The following ALOX5 variants were observed in gnomAD, a reference collection of about 807,000 sequenced individuals.
ALOX5 encodes polyunsaturated fatty acid 5-lipoxygenase.
Under a neutral mutation model 87.9 loss-of-function variants are expected in ALOX5, and 64 were observed. The ratio of observed to expected loss-of-function variants is 0.73; its 90% CI spans 0.60 to 0.90. The LOEUF (loss-of-function observed/expected upper bound fraction) is 0.90, where lower values mean the gene tolerates loss of function less well. ALOX5 is among the 40% of genes least tolerant of loss of function. ALOX5 has a pLI of 0.00. For synonymous variants in ALOX5, 388 were observed against 355.1 expected (o/e 1.09, Z -1.04); for missense variants, 822 against 907.5 (o/e 0.91, Z 1.21).
At chr10:45,392,322 A>C (rs1383949099) in intron 2 of ALOX5, among the ~76,000 whole-genome samples, 1 of 151,958 alleles carries the variant, frequency 6.6e-6, no homozygotes, top group Admixed American at 6.5e-5. Flanking sequence ...TCTGTGTAGA[A>C]AGAGGTAGAC....
chr10:45,429,629 G>A (rs180938522), intron 7 of ALOX5, among the ~76,000 whole-genome samples: 1 of 152,186 alleles, frequency 6.6e-6, no homozygotes, highest in African/African-American at 2.4e-5. Context: ...AATAGGTGAG[G>A]TTATTTAGAG....
intron 2 of ALOX5, among the ~76,000 whole-genome samples, chr10:45,394,409 C>A (rs1176783466): frequency 3.9e-5 from 6 of 152,176 alleles, no homozygotes; most frequent in East Asian, 3.9e-4. Flanking sequence ...CATAGGTAGA[C>A]AGCTGAAGCT....
At chr10:45,441,984 C>T (rs1215886990) in intron 9 of ALOX5, among the ~76,000 whole-genome samples, 1 of 152,172 alleles carries the variant, frequency 6.6e-6, no homozygotes, top group Non-Finnish European at 1.5e-5. Flanking sequence ...CCCAACCTTC[C>T]TCCTTTCCCC....
chr10:45,416,776 G>A (rs1264314699), intron 4 of ALOX5, among the ~76,000 whole-genome samples: 1 of 152,086 alleles, frequency 6.6e-6, no homozygotes, highest in Non-Finnish European at 1.5e-5. Flanking sequence ...TGGAGAGATA[G>A]ATGAGAAATT....
At chr10:45,381,468 C>T (rs12774369) in intron 1 of ALOX5, among the ~76,000 whole-genome samples, 25,083 of 152,222 alleles carry the variant, frequency 0.16, 2,137 homozygotes, top group South Asian at 0.19. Flanking sequence ...TGGCAAGTGG[C>T]AGAGGTGGGA....
At chr10:45,427,462 A>G (rs1317879170) in intron 6 of ALOX5, among the ~76,000 whole-genome samples, 1 of 151,994 alleles carries the variant, frequency 6.6e-6, no homozygotes, top group Non-Finnish European at 1.5e-5. Flanking sequence ...CTGGTGTCAC[A>G]CCACATAAAG....
chr10:45,435,900 A>T (rs1223769626), intron 7 of ALOX5, among the ~76,000 whole-genome samples: 2 of 152,250 alleles, frequency 1.3e-5, no homozygotes, highest in Non-Finnish European at 2.9e-5. Flanking sequence ...TGCCACCAAC[A>T]GTGTGTAAGC....
intron 9 of ALOX5, chr10:45,442,735 C>A (rs1674459009): frequency 5.1e-6 from 2 of 392,310 alleles, no homozygotes; most frequent in Non-Finnish European, 9.1e-6. Context: ...CTGGGGTCCC[C>A]CACACACCTG....
chr10:45,415,581 TA>T (rs60397346), intron 4 of ALOX5, among the ~76,000 whole-genome samples: 1 of 135,970 alleles, frequency 7.4e-6, no homozygotes, highest in Non-Finnish European at 1.7e-5. Context: ...AGTATAATAA[TA>T]AAAAAAAAGA....
Position 45,445,734 on chromosome 10 carries a change from T to TG in ALOX5, c.*49dup, listed in dbSNP as rs1842422884. ...GGGAAGGCCAGCTGCCCCAGCCAGATGGACTCCAGCCTGCCTGGCAGGCTG... is the reference window on the plus strand; with the variant it reads ...GGGAAGGCCAGCTGCCCCAGCCAGATGGGACTCCAGCCTGCCTGGCAGGCTG... On this transcript the variant is annotated 3_prime_UTR_variant, in exon 14 of 14. Transcript: ENST00000374391. 1 of 1,581,778 alleles carries TG rather than the reference T, an allele frequency of 6.3e-7. No homozygotes were observed. The highest frequency in any genetic ancestry group is 1.7e-5 in the Admixed American group (1 of 59,142).
rs1239495804 is a variant in ALOX5, at chr10:45,443,808, G to A, written c.1654G>A (p.Ala552Thr). Residue 552 changes from alanine (A) to threonine (T), a missense_variant, in exon 12 of 14, where the codon GCC becomes ACC. Transcript: ENST00000374391. ...VVIFTASAQH[A>T]AVNFGQYDWC... ...GATCTTCACCGCCTCCGCCCAGCAC[G>A]CCGCGGTCAACTTCGGCCAGGTAGG... The A allele has an allele frequency of 3.1e-6, 5 of 1,609,042 alleles. No homozygotes were observed. Among genetic ancestry groups the A allele is most frequent in the Non-Finnish European group, 4.2e-6 (5 of 1,178,178 alleles).
intron 3 of ALOX5, among the ~76,000 whole-genome samples, chr10:45,398,061 A>G (rs557958103): frequency 3.3e-5 from 5 of 151,900 alleles, no homozygotes; most frequent in Admixed American, 1.3e-4. Flanking sequence ...AAAGAAAACA[A>G]AGATGGAGGA....
Position 45,428,761 on chromosome 10 carries a change from C to A in ALOX5, c.978C>A (p.Ile326=), listed in dbSNP as rs1841818691. 1 of 1,613,806 alleles carries A rather than the reference C, an allele frequency of 6.2e-7. No homozygotes were observed. Among genetic ancestry groups the A allele is most frequent in the Middle Eastern group, 1.7e-4 (1 of 5,904 alleles). The change falls in exon 7 of 14, where the codon ATC becomes ATA. Residue 326 remains isoleucine, a synonymous_variant. Transcript: ENST00000374391. ...CCAACAAGATTGTCCCCATTGCCAT[C>A]CAGGTAGGCTGCTGGGGGGCACACC... ...NLANKIVPIA[I]QLNQIPGDEN...
intron 9 of ALOX5, 197 bp downstream of exon 9, chr10:45,441,627 C>G: frequency 1.9e-6 from 1 of 532,104 alleles, no homozygotes; most frequent in Non-Finnish European, 3.3e-6. Context: ...AGGCGCACCA[C>G]CAGGTCTTCC....
At chr10:45,418,823 G>C (rs1841394235) in intron 4 of ALOX5, among the ~76,000 whole-genome samples, 1 of 152,236 alleles carries the variant, frequency 6.6e-6, no homozygotes, top group African/African-American at 2.4e-5. Flanking sequence ...TTGCAGCCTG[G>C]AAGACGATTG....
chr10:45,432,465 TG>T (rs1213913476), intron 7 of ALOX5, among the ~76,000 whole-genome samples: 1 of 152,038 alleles, frequency 6.6e-6, no homozygotes, highest in East Asian at 1.9e-4. Context: ...CAGAGAGAAT[TG>T]GGGGACAGTA....
chr10:45,399,016 T>C (rs1840608430), intron 3 of ALOX5, among the ~76,000 whole-genome samples: 1 of 152,242 alleles, frequency 6.6e-6, no homozygotes, highest in Admixed American at 6.5e-5. Flanking sequence ...TGCATGATTA[T>C]AGCAGCATGA....
At chr10:45,402,673 A>G (rs1840744140) in intron 3 of ALOX5, among the ~76,000 whole-genome samples, 1 of 152,198 alleles carries the variant, frequency 6.6e-6, no homozygotes, top group Non-Finnish European at 1.5e-5. Flanking sequence ...ACACAAAGGA[A>G]AAGATTGGTA....
Position 45,374,431 on chromosome 10 carries a change from T to TGAGCGCGGGCGGGGCACGGGTG in ALOX5, c.150+13_150+34dup. The TGAGCGCGGGCGGGGCACGGGTG allele has an allele frequency of 6.5e-7, 1 of 1,545,810 alleles. No individual in the cohort carries two copies. Among genetic ancestry groups the TGAGCGCGGGCGGGGCACGGGTG allele is most frequent in the Non-Finnish European group, 8.7e-7 (1 of 1,151,070 alleles). On this transcript the variant is annotated splice_region_variant and intron_variant, in intron 1 of 13. Transcript: ENST00000374391. ...TACAACGACTTCGAGCGTGGCGCGGTGAGCGCGGGCGGGGCACGGGTGGAG... is the reference window on the plus strand; with the variant it reads ...TACAACGACTTCGAGCGTGGCGCGGTGAGCGCGGGCGGGGCACGGGTGGAGCGCGGGCGGGGCACGGGTGGAG...
Sources: gnomAD v4.1 joint callset for allele counts (sites outside exome capture counted in the v4.1 genomes callset) on GRCh38, gnomAD v4.1.1 for gene constraint, MANE v1.5 for transcripts, NCBI Gene and HGNC (gene_info 2026-07-23, HGNC 2026-07-21) for gene names.